Variants in OPCML observed in about 807,000 individuals in gnomAD.
OPCML encodes opioid binding protein/cell adhesion molecule like.
Under a neutral mutation model 37.8 loss-of-function variants are expected in OPCML, and 13 were observed. The observed-to-expected ratio is 0.34, with a 90% CI of 0.22 to 0.55. The LOEUF is 0.55. Among genes scored for constraint, OPCML ranks in the 20% least tolerant of loss-of-function variants. The pLI, the probability that OPCML is intolerant of heterozygous loss-of-function variation, is 0.91. For missense variants in OPCML, 341 were observed against 435.6 expected (o/e 0.78, Z 1.93); for synonymous variants, 176 against 168.8 (o/e 1.04, Z -0.33).
At chr11:133,483,978 T>C (rs1947461393) in intron 1 of OPCML, among the ~76,000 whole-genome samples, 1 of 150,596 alleles carries the variant, frequency 6.6e-6, no homozygotes, top group Non-Finnish European at 1.5e-5. Flanking sequence ...GATAGGTAGA[T>C]AGAAAGATAG....
At chr11:133,136,803 A>C (rs1017018225) in intron 1 of OPCML, among the ~76,000 whole-genome samples, 3 of 148,050 alleles carry the variant, frequency 2.0e-5, no homozygotes, top group Non-Finnish European at 3.0e-5. Flanking sequence ...TAGTTAAGGA[A>C]ATACCACTGC....
intron 1 of OPCML, among the ~76,000 whole-genome samples, chr11:133,231,215 T>C (rs1226824508): frequency 1.3e-5 from 2 of 152,084 alleles, no homozygotes; most frequent in African/African-American, 4.8e-5. Flanking sequence ...GGATGAAACA[T>C]TTGAGGATAA....
chr11:132,500,897 T>C (rs547799711), intron 4 of OPCML, among the ~76,000 whole-genome samples: 60 of 152,352 alleles, frequency 3.9e-4, no homozygotes, highest in African/African-American at 1.0e-3. Context: ...TTCTTTTTTA[T>C]GGCTGCATAG....
intron 1 of OPCML, among the ~76,000 whole-genome samples, chr11:133,442,069 C>T (rs1459282448): frequency 1.3e-5 from 2 of 152,154 alleles, no homozygotes; most frequent in Non-Finnish European, 2.9e-5. Context: ...TGAAGCCTTA[C>T]AACCAAGCCT....
At chr11:132,805,291 C>A (rs140126387) in intron 2 of OPCML, among the ~76,000 whole-genome samples, 1 of 152,060 alleles carries the variant, frequency 6.6e-6, no homozygotes. Context: ...ATTTTATGAG[C>A]CTCAGGGAAA....
intron 2 of OPCML, among the ~76,000 whole-genome samples, chr11:132,684,530 G>A (rs1229357862): frequency 1.3e-5 from 2 of 152,114 alleles, no homozygotes; most frequent in African/African-American, 4.8e-5. Context: ...AAATTCCTTT[G>A]TTGGCTTTTA....
chr11:132,888,311 A>G (rs1943501414), intron 2 of OPCML, among the ~76,000 whole-genome samples: 3 of 152,176 alleles, frequency 2.0e-5, no homozygotes, highest in Admixed American at 6.5e-5. Context: ...CCTAGAATTT[A>G]TTATTTAGGT....
intron 1 of OPCML, among the ~76,000 whole-genome samples, chr11:133,359,289 C>T (rs376182322): frequency 6.6e-6 from 1 of 152,184 alleles, no homozygotes; most frequent in Non-Finnish European, 1.5e-5. Flanking sequence ...ATGTCTGTGG[C>T]TGCTGAGCTG....
chr11:133,035,253 C>T (rs1022517672), intron 1 of OPCML, among the ~76,000 whole-genome samples: 1 of 152,164 alleles, frequency 6.6e-6, no homozygotes, highest in African/African-American at 2.4e-5. Flanking sequence ...AGCAATGCTG[C>T]CTCTTCCTAG....
At chr11:133,458,581 GTACACATATATACACGTGTGTGTGTGTA>G (rs1565645556) in intron 1 of OPCML, among the ~76,000 whole-genome samples, 9 of 95,754 alleles carry the variant, frequency 9.4e-5, no homozygotes, top group East Asian at 5.9e-4. Flanking sequence ...ACACGTGTGT[GTACACATATATACACGTGTGTGTGTGTA>G]TACACATATA....
chr11:132,709,044 A>ATTTCACC (rs1339395824), intron 2 of OPCML, among the ~76,000 whole-genome samples: 2 of 152,134 alleles, frequency 1.3e-5, no homozygotes, highest in Non-Finnish European at 2.9e-5. Flanking sequence ...CTTAAAGGGA[A>ATTTCACC]TTTCACCAGT....
chr11:133,343,467 T>C (rs1943923141), intron 1 of OPCML, among the ~76,000 whole-genome samples: 1 of 152,244 alleles, frequency 6.6e-6, no homozygotes, highest in Non-Finnish European at 1.5e-5. Flanking sequence ...CCAAGCCTTA[T>C]ATTGCAATTT....
chr11:133,221,257 T>C (rs1451086145), intron 1 of OPCML, among the ~76,000 whole-genome samples: 1 of 152,200 alleles, frequency 6.6e-6, no homozygotes, highest in African/African-American at 2.4e-5. Flanking sequence ...GCACATTCTG[T>C]CTGCAGAGTG....
chr11:132,482,332 A>C (rs1425846854), intron 4 of OPCML, among the ~76,000 whole-genome samples: 1 of 152,032 alleles, frequency 6.6e-6, no homozygotes, highest in African/African-American at 2.4e-5. Flanking sequence ...GAAATGGATA[A>C]ATTCCTTGAC....
intron 4 of OPCML, among the ~76,000 whole-genome samples, chr11:132,449,212 G>A (rs139062535): frequency 3.3e-5 from 5 of 152,326 alleles, no homozygotes; most frequent in Middle Eastern, 6.8e-3. Flanking sequence ...GTGATGGGGA[G>A]GAAAGAGAGG....
At chr11:132,466,335 A>T (rs1292403317) in intron 4 of OPCML, among the ~76,000 whole-genome samples, 22 of 148,168 alleles carry the variant, frequency 1.5e-4, no homozygotes, top group African/African-American at 5.5e-4. Context: ...AAAAAAAAAA[A>T]TAGCCAGGTG....
chr11:132,554,863 G>GTTTTTTTTTTTTTTTTTTT (rs5795789), intron 3 of OPCML, among the ~76,000 whole-genome samples: 147 of 64,032 alleles, frequency 2.3e-3, no homozygotes, highest in East Asian at 0.012. Context: ...ATGGGGTAAA[G>GTTTTTTTTTTTTTTTTTTT]TTTTTTTTTT....
intron 4 of OPCML, among the ~76,000 whole-genome samples, chr11:132,458,642 A>G (rs1436517719): frequency 6.6e-6 from 1 of 152,206 alleles, no homozygotes; most frequent in African/African-American, 2.4e-5. Flanking sequence ...TTTAAAAATA[A>G]TGATTCTTTT....
chr11:132,486,701 C>G (rs1259123284), intron 4 of OPCML, among the ~76,000 whole-genome samples: 2 of 143,162 alleles, frequency 1.4e-5, no homozygotes, highest in Admixed American at 1.4e-4. Context: ...TCCTTTTTTT[C>G]TCTTTTTTTA....
Sources: allele counts gnomAD v4.1 joint callset (sites outside exome capture counted in the v4.1 genomes callset), GRCh38; gene constraint gnomAD v4.1.1; transcripts MANE v1.5; gene names NCBI Gene and HGNC (gene_info 2026-07-23, HGNC 2026-07-21).